FBXO15: variants seen among roughly 807,000 people sequenced by gnomAD.
The protein encoded by FBXO15 is F-box protein 15.
FBXO15 carries 30 observed loss-of-function variants against 49.5 expected under a neutral mutation model. The ratio of observed to expected loss-of-function variants is 0.61; its 90% CI spans 0.45 to 0.82. The LOEUF (loss-of-function observed/expected upper bound fraction) is 0.82. Ranked by LOEUF, FBXO15 falls within the 40% of genes least tolerant of loss-of-function variation. The probability of loss-of-function intolerance (pLI) is 0.00; values close to 1 mark genes in which losing one functional copy is unlikely to be tolerated. For synonymous variants in FBXO15, 250 were observed against 232.7 expected, an observed-to-expected ratio of 1.07 and a Z score of -0.68; for missense variants, 591 against 631.5, an observed-to-expected ratio of 0.94 and a Z score of 0.69.
At position 74,087,355 on chromosome 18, in the gene FBXO15, G is replaced by A. The variant is rs116476030; in HGVS notation, c.1139-5304C>T. Reference sequence around the variant, plus strand: ...CACCCAAGTAATAAGCATAGTACCCGATAGGTAGTTTTTGGATCTTCACCT... The same window carrying A: ...CACCCAAGTAATAAGCATAGTACCCAATAGGTAGTTTTTGGATCTTCACCT... On this transcript the variant is annotated intron_variant, in intron 8 of 9. Transcript: ENST00000419743. 5.6e-3 allele frequency among the ~76,000 whole-genome samples: 852 copies of A among 152,292 alleles called. 8 individuals carry two copies. The highest frequency in any genetic ancestry group is 0.02 in the African/African-American group (813 of 41,558).
At chr18:74,084,594 C>T (rs1912657195) in intron 8 of FBXO15, among the ~76,000 whole-genome samples, 1 of 152,212 alleles carries the variant, frequency 6.6e-6, no homozygotes, top group African/African-American at 2.4e-5. Flanking sequence ...ATTAAATTCC[C>T]GTGCTCCTTA....
chr18:74,109,190 T>G (rs1168635115), intron 8 of FBXO15, among the ~76,000 whole-genome samples: 14 of 152,144 alleles, frequency 9.2e-5, no homozygotes. Flanking sequence ...CAGACACTTC[T>G]CAAAAGAAGA....
intron 4 of FBXO15, 59 bp from the exon 5 acceptor site, chr18:74,129,673 A>C (rs921048785): frequency 1.2e-5 from 17 of 1,410,308 alleles, no homozygotes; most frequent in Admixed American, 2.0e-5. Flanking sequence ...AAAATGCTAA[A>C]GGCAATTTCA....
intron 8 of FBXO15, among the ~76,000 whole-genome samples, chr18:74,087,243 A>T (rs1463689109): frequency 6.6e-6 from 1 of 152,106 alleles, no homozygotes; most frequent in Non-Finnish European, 1.5e-5. Context: ...GCATTTTTTT[A>T]AACTTTTATT....
At chr18:74,115,723 T>C (rs1047994454) in intron 8 of FBXO15, among the ~76,000 whole-genome samples, 7 of 152,220 alleles carry the variant, frequency 4.6e-5, no homozygotes, top group African/African-American at 1.7e-4. Context: ...CACTGATATA[T>C]AGATATATCA....
chr18:74,084,995 A>G (rs1411777171), intron 8 of FBXO15, among the ~76,000 whole-genome samples: 2 of 152,060 alleles, frequency 1.3e-5, no homozygotes, highest in African/African-American at 4.8e-5. Context: ...GTGCATTGTC[A>G]AGCAGAATGT....
At chr18:74,085,089 C>A (rs1196595543) in intron 8 of FBXO15, among the ~76,000 whole-genome samples, 1 of 152,042 alleles carries the variant, frequency 6.6e-6, no homozygotes, top group Non-Finnish European at 1.5e-5. Flanking sequence ...TAGTTTCACA[C>A]AATCACAAGC....
intron 8 of FBXO15, among the ~76,000 whole-genome samples, chr18:74,086,144 C>T (rs531653349): frequency 2.0e-5 from 3 of 151,436 alleles, no homozygotes; most frequent in Admixed American, 1.3e-4. Context: ...CTGAACTAGA[C>T]ACAGAAAAAA....
rs1360378112 is a variant in FBXO15, at chr18:74,129,473, C to A, written c.717G>T (p.Leu239Phe). The change falls in exon 5 of 10, where the codon TTG (leucine) becomes TTT (phenylalanine). Residue 239 changes from leucine (L) to phenylalanine (F), a missense_variant. Transcript: ENST00000419743. The stretch of plus-strand genomic sequence containing the variant: ...TCATGCCACATAAATCTAAGGTTGA[C>A]AATGATGCTAGGCATGGCCATTTTT... ...YGKKWPCLAS[L>F]STLDLCGMTP... 1 of 1,613,968 alleles carries A rather than the reference C, an allele frequency of 6.2e-7. No homozygotes were observed. The highest frequency in any genetic ancestry group is 8.5e-7 in the Non-Finnish European group (1 of 1,179,962).
chr18:74,080,356 C>T (rs1377055309), intron 9 of FBXO15, among the ~76,000 whole-genome samples: 4 of 152,180 alleles, frequency 2.6e-5, no homozygotes, highest in Non-Finnish European at 5.9e-5. Flanking sequence ...ACCACATCTA[C>T]CCTCCAGGCC....
intron 8 of FBXO15, among the ~76,000 whole-genome samples, chr18:74,115,132 A>C (rs1914173817): frequency 6.6e-6 from 1 of 152,222 alleles, no homozygotes; most frequent in Non-Finnish European, 1.5e-5. Context: ...AAAGTAGAGC[A>C]AAACTTAGTG....
intron 3 of FBXO15, among the ~76,000 whole-genome samples, chr18:74,132,157 G>A (rs758239454): frequency 6.6e-5 from 10 of 152,146 alleles, no homozygotes; most frequent in Non-Finnish European, 1.2e-4. Flanking sequence ...CTATGTAAGC[G>A]GACAGATGCA....
chr18:74,144,249 T>G (rs769354011), intron 1 of FBXO15, among the ~76,000 whole-genome samples: 5 of 152,192 alleles, frequency 3.3e-5, no homozygotes, highest in Non-Finnish European at 7.4e-5. Context: ...AAAAGAGATC[T>G]AGAGACACCA....
Position 74,147,305 on chromosome 18 carries a change from C to T in FBXO15, c.116+365G>A, listed in dbSNP as rs566949149. ...GTCATGAAAAACACGAAGGGAGATT[C>T]TTGGTTACAGAAGAGCGAAAATACG... On this transcript the variant is annotated intron_variant, in intron 1 of 9. Coordinates refer to ENST00000419743, the MANE Select transcript of FBXO15 (RefSeq NM_001142958.2). Among the ~76,000 whole-genome samples the T allele has an allele frequency of 5.3e-5, 8 of 152,184 alleles. No individual in the cohort carries two copies. The South Asian group carries it at 1.7e-3, about 32-fold the overall frequency.
At chr18:74,118,009 CT>C (rs35355168) in intron 8 of FBXO15, among the ~76,000 whole-genome samples, 12,757 of 140,996 alleles carry the variant, frequency 0.09, 856 homozygotes, top group African/African-American at 0.2. Context: ...ATACATATTT[CT>C]TTTTTTTTTT....
Position 74,092,287 on chromosome 18 carries a change from G to A in FBXO15, c.1139-10236C>T, listed in dbSNP as rs139654304. Reference sequence around the variant, plus strand: ...CCATCTTCTGTGTCATTTTATTGTAGTCCTTAGATTTCTTGGATTGGGTTT... The same window carrying A: ...CCATCTTCTGTGTCATTTTATTGTAATCCTTAGATTTCTTGGATTGGGTTT... On this transcript the variant is annotated intron_variant, in intron 8 of 9. Transcript: ENST00000419743. Among the ~76,000 whole-genome samples the A allele has an allele frequency of 7.9e-5, 12 of 152,236 alleles. No homozygotes were observed. In the East Asian group the frequency reaches 2.3e-3, roughly 29 times the overall value.
intron 8 of FBXO15, among the ~76,000 whole-genome samples, chr18:74,103,895 G>T (rs1913633902): frequency 6.6e-6 from 1 of 152,122 alleles, no homozygotes; most frequent in Admixed American, 6.6e-5. Context: ...CAGTCTGGAA[G>T]AAATAAATAC....
chr18:74,125,896 T>G, intron 6 of FBXO15, 79 bp downstream of exon 6: 4 of 1,550,832 alleles, frequency 2.6e-6, no homozygotes, highest in Non-Finnish European at 3.5e-6. Context: ...ATTTTACATT[T>G]GAAGTCATAC....
chr18:74,143,161 AT>A lies in FBXO15; in HGVS notation c.117-2850del, dbSNP rs1330612496. ...GAATAATTCTATATATACTTTAAAC[AT>A]AAATATTATTGTAGTTCATCAAATA... On this transcript the variant is annotated intron_variant, in intron 1 of 9. Coordinates refer to ENST00000419743, the MANE Select transcript of FBXO15 (RefSeq NM_001142958.2). 2.0e-5 allele frequency among the ~76,000 whole-genome samples: 3 copies of A among 152,330 alleles called. No individual in the cohort carries two copies. In the East Asian group the frequency reaches 5.8e-4, roughly 29 times the overall value.
Sources: gnomAD v4.1 joint callset for allele counts (sites outside exome capture counted in the v4.1 genomes callset) on GRCh38, gnomAD v4.1.1 for gene constraint, MANE v1.5 for transcripts, NCBI Gene and HGNC (gene_info 2026-07-23, HGNC 2026-07-21) for gene names.